Variants in PLCG2 observed in about 807,000 individuals in gnomAD.
PLCG2 encodes the protein phospholipase C gamma 2, also known as 1-phosphatidylinositol 4,5-bisphosphate phosphodiesterase gamma-2.
PLCG2 carries 69 observed loss-of-function variants against 175.6 expected under a neutral mutation model. The ratio of observed to expected loss-of-function variants is 0.39; its 90% CI spans 0.32 to 0.48. The LOEUF (loss-of-function observed/expected upper bound fraction) is 0.48, where lower values mean the gene tolerates loss of function less well. Ranked by LOEUF, PLCG2 falls within the 20% of genes least tolerant of loss-of-function variation. PLCG2 has a pLI of 0.91. For synonymous variants in PLCG2, 827 were observed against 624.0 expected (o/e 1.33, Z -4.85); for missense variants, 1,798 against 1,650.9 (o/e 1.09, Z -1.54).
At chr16:81,778,560 G>T (rs1247340541), upstream of PLCG2, among the ~76,000 whole-genome samples, 1 of 152,176 alleles carries the variant, frequency 6.6e-6, no homozygotes, top group Admixed American at 6.5e-5. Flanking sequence ...GAACATATTA[G>T]CTTCTTCCCA....
At chr16:81,871,790 A>T (rs1384375290) in intron 7 of PLCG2, among the ~76,000 whole-genome samples, 1 of 152,162 alleles carries the variant, frequency 6.6e-6, no homozygotes, top group East Asian at 1.9e-4. Context: ...GCCTGAGAAT[A>T]TATTATCGGA....
intron 2 of PLCG2, among the ~76,000 whole-genome samples, chr16:81,797,665 C>T (rs1396945577): frequency 3.3e-5 from 5 of 152,200 alleles, no homozygotes; most frequent in East Asian, 1.9e-4. Flanking sequence ...CTCGGACTTC[C>T]GGTTTCTTCC....
rs142443536 is a variant in PLCG2 at position 81,854,832 on chromosome 16, T to C, written c.337+245T>C. Among the ~76,000 whole-genome samples, 4 of 152,268 alleles carry C rather than the reference T, an allele frequency of 2.6e-5. No individual in the cohort carries two copies. The East Asian group carries it at 5.8e-4, about 22-fold the overall frequency. On this transcript the variant is annotated intron_variant, in intron 3 of 32. Coordinates refer to ENST00000564138, the MANE Select transcript of PLCG2 (RefSeq NM_002661.5). ...TAATGCCTATTTCATGGGGGTATTG[T>C]GAGGAGTATGTTAAGTGTCTCTCTG...
At chr16:81,882,599 C>G (rs771746829) in intron 8 of PLCG2, among the ~76,000 whole-genome samples, 2 of 152,112 alleles carry the variant, frequency 1.3e-5, no homozygotes, top group African/African-American at 4.8e-5. Context: ...ACCTTTTGCT[C>G]TGCAATCCCT....
chr16:81,953,621 T>G (rs1281504134), intron 31 of PLCG2, among the ~76,000 whole-genome samples: 2 of 152,158 alleles, frequency 1.3e-5, no homozygotes, highest in African/African-American at 4.8e-5. Flanking sequence ...AAGTGAAAAC[T>G]CAGACTCAAA....
chr16:81,915,023 C>G (rs1330266472), intron 19 of PLCG2, among the ~76,000 whole-genome samples: 1 of 152,256 alleles, frequency 6.6e-6, no homozygotes, highest in Non-Finnish European at 1.5e-5. Context: ...CCAGGACACA[C>G]ACTTTTTCAA....
At chr16:81,827,172 A>G (rs1005107931) in intron 2 of PLCG2, among the ~76,000 whole-genome samples, 13 of 147,004 alleles carry the variant, frequency 8.8e-5, no homozygotes, top group South Asian at 6.5e-4. Context: ...AATCTCATAC[A>G]TTATAGAGGA....
At chr16:81,912,570 G>T (rs1268527457) in intron 18 of PLCG2, 27 bp from the exon 19 acceptor site, 7 of 1,610,954 alleles carry the variant, frequency 4.3e-6, no homozygotes, top group Non-Finnish European at 5.9e-6. Flanking sequence ...CGCTCACCTG[G>T]TCGTTTTCCC....
At chr16:81,864,908 G>A (rs945261853) in intron 5 of PLCG2, among the ~76,000 whole-genome samples, 2 of 152,172 alleles carry the variant, frequency 1.3e-5, no homozygotes, top group Non-Finnish European at 2.9e-5. Context: ...AACTCATTCA[G>A]GGAATAGTTG....
At chr16:81,871,388 G>A (rs932521753) in intron 7 of PLCG2, among the ~76,000 whole-genome samples, 1 of 152,282 alleles carries the variant, frequency 6.6e-6, no homozygotes, top group East Asian at 1.9e-4. Flanking sequence ...GCCCAGGCTG[G>A]AGTGCAGTGG....
chr16:81,802,199 G>A (rs963231125), intron 2 of PLCG2, among the ~76,000 whole-genome samples: 4 of 131,540 alleles, frequency 3.0e-5, no homozygotes, highest in East Asian at 2.5e-4. Flanking sequence ...TGCAAGCTCC[G>A]CCTCCCGGGT....
chr16:81,858,412 C>T, intron 4 of PLCG2, 56 bp downstream of exon 4: 1 of 1,229,460 alleles, frequency 8.1e-7, no homozygotes, highest in South Asian at 1.2e-5. Context: ...ATTCTGCTGC[C>T]TTTAGCCAAC....
At chr16:81,881,319 C>A (rs1438443140) in intron 8 of PLCG2, among the ~76,000 whole-genome samples, 1 of 151,952 alleles carries the variant, frequency 6.6e-6, no homozygotes, top group Non-Finnish European at 1.5e-5. Context: ...ACAGGTTTAA[C>A]TGAATTAAAA....
At chr16:81,891,965 C>G (rs549556868) in intron 11 of PLCG2, among the ~76,000 whole-genome samples, 2 of 152,324 alleles carry the variant, frequency 1.3e-5, no homozygotes, top group African/African-American at 4.8e-5. Flanking sequence ...AGTGTGTACC[C>G]TGTGCCTGCT....
intron 2 of PLCG2, among the ~76,000 whole-genome samples, chr16:81,768,920 C>T (rs1910213173): frequency 6.6e-6 from 1 of 151,998 alleles, no homozygotes; most frequent in Non-Finnish European, 1.5e-5. Context: ...ATTTTTTGTT[C>T]AACCAGTTGG....
intron 24 of PLCG2, 25 bp downstream of exon 24, chr16:81,928,649 T>C (rs370748826): frequency 6.5e-7 from 1 of 1,530,238 alleles, no homozygotes; most frequent in Non-Finnish European, 9.1e-7. Flanking sequence ...CATCTTAGCC[T>C]GGATTTCCAC....
intron 1 of PLCG2, among the ~76,000 whole-genome samples, chr16:81,752,594 A>T (rs1033745207): frequency 5.3e-5 from 8 of 152,102 alleles, no homozygotes; most frequent in African/African-American, 1.9e-4. Flanking sequence ...TGAGCCCCCA[A>T]AGGAGGGGCT....
intron 2 of PLCG2, among the ~76,000 whole-genome samples, chr16:81,831,723 G>C (rs1905266276): frequency 6.6e-6 from 1 of 152,148 alleles, no homozygotes; most frequent in South Asian, 2.1e-4. Context: ...TGGGCTAGAG[G>C]GTAATGGGGA....
Position 81,936,346 on chromosome 16 carries a change from C to G in PLCG2, c.3020C>G (p.Ser1007Cys). The G allele has an allele frequency of 6.2e-7, 1 of 1,614,104 alleles. No individual in the cohort carries two copies. The highest frequency in any genetic ancestry group is 8.5e-7 in the Non-Finnish European group (1 of 1,180,032). Residue 1007 changes from serine to cysteine, a missense_variant, in exon 27 of 33, where the codon TCT becomes TGT. Coordinates refer to ENST00000564138, the MANE Select transcript of PLCG2 (RefSeq NM_002661.5). ...CCCTTCCGCCTCTGGCTGTGCGGTT[C>G]TCAGATGGTGGCACTCAATTTCCAG... The part of the protein sequence containing the change: ...YDPFRLWLCG[S>C]QMVALNFQTA...
Sources: gnomAD v4.1 joint callset for allele counts (sites outside exome capture counted in the v4.1 genomes callset) on GRCh38, gnomAD v4.1.1 for gene constraint, MANE v1.5 for transcripts, NCBI Gene and HGNC (gene_info 2026-07-23, HGNC 2026-07-21) for gene names.